The following SMIM13 variants were observed in gnomAD, a reference collection of about 807,000 sequenced individuals.
SMIM13 encodes UPF0766 protein C6orf228.
Under a neutral mutation model 5.9 loss-of-function variants are expected in SMIM13, and 3 were observed. That is an observed-to-expected ratio of 0.51 (90% CI 0.23 to 1.31). The LOEUF is 1.31. Among genes scored for constraint, SMIM13 ranks in the 40% most tolerant of loss-of-function variants. The pLI, the probability that SMIM13 is intolerant of heterozygous loss-of-function variation, is 0.18. For synonymous variants in SMIM13, 55 were observed against 46.0 expected, an observed-to-expected ratio of 1.19 and a Z score of -0.79; for missense variants, 85 against 109.9, an observed-to-expected ratio of 0.77 and a Z score of 1.01.
intron 1 of SMIM13, chr6:11,105,370 A>G (rs1758070500): frequency 7.7e-7 from 1 of 1,294,094 alleles, no homozygotes; most frequent in African/African-American, 1.5e-5. Flanking sequence ...GGTGGTGTAC[A>G]AGTTAGGGTT....
In SMIM13 at chr6:11,117,151, C is replaced by T. The variant is rs1289640951; in HGVS notation, c.77-17252C>T. Among the ~76,000 whole-genome samples, 231 of 145,848 alleles carry T rather than the reference C, an allele frequency of 1.6e-3. 1 individual carries two copies. The highest frequency in any genetic ancestry group is 5.4e-3 in the African/African-American group (214 of 39,366). ...TACCGCAGGTGCCTGCCACCACGCC[C>T]GGCTAATTTTTGTATTTTTTTTTTT... On this transcript the variant is annotated intron_variant, in intron 1 of 1. Coordinates refer to ENST00000416247, the MANE Select transcript of SMIM13 (RefSeq NM_001135575.2).
intron 1 of SMIM13, among the ~76,000 whole-genome samples, chr6:11,119,255 T>C (rs1391656300): frequency 6.6e-6 from 1 of 152,210 alleles, no homozygotes; most frequent in African/African-American, 2.4e-5. Flanking sequence ...CTCTCTCCTC[T>C]CTCTCTTTCT....
chr6:11,100,129 C>T (rs778894147), intron 1 of SMIM13, among the ~76,000 whole-genome samples: 9 of 152,004 alleles, frequency 5.9e-5, no homozygotes, highest in South Asian at 2.1e-4. Flanking sequence ...GGCGTGATCT[C>T]GGCTCACTGC....
At chr6:11,128,143 A>G (rs1758401949) in intron 1 of SMIM13, among the ~76,000 whole-genome samples, 1 of 152,178 alleles carries the variant, frequency 6.6e-6, no homozygotes, top group South Asian at 2.1e-4. Flanking sequence ...TGAGGCCAAC[A>G]TGGCTCTGAG....
chr6:11,134,569 A>T lies in SMIM13; in HGVS notation c.243A>T (p.Ala81=). 1 of 1,549,096 alleles carries T rather than the reference A, an allele frequency of 6.5e-7. No individual in the cohort carries two copies. The highest frequency in any genetic ancestry group is 2.4e-5 in the East Asian group (1 of 40,904). ...TCAGATCCGCTCGCCAAAGGAGGGC[A>T]CCTGCTGATGAAGGCCACAGACCCC... ...HRIRSARQRR[A]PADEGHRPLT is the part of the protein sequence containing the mutation. The change falls in exon 2 of 2, where the codon GCA becomes GCT. Residue 81 remains alanine (A), a synonymous_variant. Transcript: ENST00000416247.
chr6:11,126,665 G>A (rs2113665612), intron 1 of SMIM13, among the ~76,000 whole-genome samples: 1 of 151,556 alleles, frequency 6.6e-6, no homozygotes, highest in East Asian at 1.9e-4. Flanking sequence ...TGTTTTCCTG[G>A]ATGGTCTTGA....
In SMIM13 at chr6:11,134,725, T is replaced by G. The variant is rs1341650123; in HGVS notation, c.*123T>G. On this transcript the variant is annotated 3_prime_UTR_variant, in exon 2 of 2. Coordinates refer to ENST00000416247, the MANE Select transcript of SMIM13 (RefSeq NM_001135575.2). Reference sequence around the variant, plus strand: ...ATTTTAAGTCGAATTTTAAAAAAGATTTACATGTAAGCCATATAAAAATAA... The same window carrying G: ...ATTTTAAGTCGAATTTTAAAAAAGAGTTACATGTAAGCCATATAAAAATAA... The G allele has an allele frequency of 2.6e-6, 2 of 759,224 alleles. No homozygotes were observed. The highest frequency in any genetic ancestry group is 3.6e-5 in the African/African-American group (2 of 55,608). The allele number at this position is 759,224 out of a possible 1,614,324, so 47.0% of individuals were successfully genotyped here.
chr6:11,113,191 A>G (rs2113652973), intron 1 of SMIM13, among the ~76,000 whole-genome samples: 1 of 152,246 alleles, frequency 6.6e-6, no homozygotes, highest in South Asian at 2.1e-4. Context: ...ATATGTTTTC[A>G]TTTCTCTTGA....
chr6:11,094,449 T>G (rs1298169493), intron 1 of SMIM13, 60 bp downstream of exon 1: 6 of 1,282,422 alleles, frequency 4.7e-6, no homozygotes, highest in East Asian at 5.2e-5. Context: ...TCTGCTGGGG[T>G]TTTTTTTGTT....
chr6:11,094,425 C>G (rs1262664975), intron 1 of SMIM13, 36 bp downstream of exon 1: 1 of 1,486,832 alleles, frequency 6.7e-7, no homozygotes, highest in South Asian at 1.2e-5. Context: ...CAGTTCCACA[C>G]GCCGGGTCGC....
chr6:11,095,047 A>G (rs1265636906), intron 1 of SMIM13, among the ~76,000 whole-genome samples: 5 of 152,238 alleles, frequency 3.3e-5, no homozygotes, highest in Non-Finnish European at 4.4e-5. Flanking sequence ...GCCCAATTTT[A>G]GATCTTTTTG....
chr6:11,134,773 C>G lies in SMIM13; in HGVS notation c.*171C>G, dbSNP rs888027397. On this transcript the variant is annotated 3_prime_UTR_variant, in exon 2 of 2. Transcript: ENST00000416247. ...TAAAGGGAACTGAAACCAAATTGGA[C>G]TATTATAAATTTCATCTTAAAGATA... 1 of 469,112 alleles carries G rather than the reference C, an allele frequency of 2.1e-6. No individual in the cohort carries two copies. The allele number at this position is 469,112 out of a possible 1,614,324, so 29.1% of individuals were successfully genotyped here. A position where few individuals can be genotyped will look rare whatever the true frequency, so the allele number is the denominator to read the frequency against.
At chr6:11,107,197 A>G (rs1386296499) in intron 1 of SMIM13, among the ~76,000 whole-genome samples, 1 of 152,224 alleles carries the variant, frequency 6.6e-6, no homozygotes, top group Non-Finnish European at 1.5e-5. Context: ...AGTATCTCAC[A>G]ACACAAATGT....
At chr6:11,103,457 C>T (rs13214911) in intron 1 of SMIM13, 3 of 526,576 alleles carry the variant, frequency 5.7e-6, no homozygotes, top group South Asian at 4.8e-5. Flanking sequence ...ACATTTCCCC[C>T]CCTCAAGAGT....
At chr6:11,095,146 C>T (rs1000817820) in intron 1 of SMIM13, among the ~76,000 whole-genome samples, 1 of 152,164 alleles carries the variant, frequency 6.6e-6, no homozygotes, top group African/African-American at 2.4e-5. Flanking sequence ...GTACGTAGAA[C>T]ACGTGTCAGT....
chr6:11,128,463 C>CA (rs2113667145), intron 1 of SMIM13, among the ~76,000 whole-genome samples: 1 of 152,248 alleles, frequency 6.6e-6, no homozygotes, highest in South Asian at 2.1e-4. Flanking sequence ...GTCTCCCCGA[C>CA]CTGTGAGCTG....
At chr6:11,103,736 A>T (rs1758034863) in intron 1 of SMIM13, 1 of 1,551,682 alleles carries the variant, frequency 6.4e-7, no homozygotes, top group Non-Finnish European at 8.7e-7. Context: ...GGCGTCCTGC[A>T]CTGAGATTCG....
chr6:11,096,147 T>C (rs945181305), intron 1 of SMIM13, among the ~76,000 whole-genome samples: 15 of 152,204 alleles, frequency 9.9e-5, no homozygotes, highest in African/African-American at 3.6e-4. Context: ...CCCAACCTTT[T>C]TGGTACCAGG....
chr6:11,120,423 C>G (rs774147145), intron 1 of SMIM13, among the ~76,000 whole-genome samples: 1 of 152,094 alleles, frequency 6.6e-6, no homozygotes, highest in African/African-American at 2.4e-5. Flanking sequence ...TCACTGTGTC[C>G]AAACATGGCA....
Sources: allele counts gnomAD v4.1 joint callset (sites outside exome capture counted in the v4.1 genomes callset), GRCh38; gene constraint gnomAD v4.1.1; transcripts MANE v1.5; gene names NCBI Gene and HGNC (gene_info 2026-07-23, HGNC 2026-07-21).